NSG2: variants seen among roughly 807,000 people sequenced by gnomAD.
NSG2 encodes neuronal vesicle trafficking-associated protein 2.
In NSG2, 4 loss-of-function variants were observed where a neutral mutation model predicts 16.9. The ratio of observed to expected loss-of-function variants is 0.24; its 90% CI spans 0.12 to 0.54. The LOEUF (loss-of-function observed/expected upper bound fraction) is 0.54. NSG2 is among the 20% of genes least tolerant of loss of function. NSG2 has a pLI of 0.95. For missense variants in NSG2, 179 were observed against 221.1 expected (o/e 0.81, Z 1.21); for synonymous variants, 98 against 88.7 (o/e 1.11, Z -0.59).
At chr5:174,090,005 C>G (rs572025053) in intron 3 of NSG2, among the ~76,000 whole-genome samples, 1 of 152,294 alleles carries the variant, frequency 6.6e-6, no homozygotes. Context: ...CCTTTTAAGG[C>G]ACAGGGTCCC....
intron 3 of NSG2, among the ~76,000 whole-genome samples, chr5:174,073,010 A>G (rs1760270037): frequency 6.6e-6 from 1 of 152,326 alleles, no homozygotes; most frequent in East Asian, 1.9e-4. Flanking sequence ...GAATGAATGC[A>G]TAAGGAGGTG....
In NSG2 at chr5:174,066,813, AC is replaced by A; in HGVS notation, c.213+2502del. ...AGACCGTCCCGGCTAAAACGGTGAA[AC>A]CCCGTCTCTACTAAAAATACAAAAA... On this transcript the variant is annotated intron_variant, in intron 3 of 4. Transcript: ENST00000303177. 2.6e-5 allele frequency among the ~76,000 whole-genome samples: 4 copies of A among 151,510 alleles called. No homozygotes were observed. The South Asian group carries it at 8.4e-4, about 32-fold the overall frequency.
chr5:174,095,915 A>G (rs1456839588), intron 3 of NSG2, among the ~76,000 whole-genome samples: 1 of 152,244 alleles, frequency 6.6e-6, no homozygotes. Flanking sequence ...ATTAGTGAAT[A>G]AAATATCTCA....
intron 3 of NSG2, among the ~76,000 whole-genome samples, chr5:174,080,547 C>CTT (rs1561668676): frequency 5.0e-5 from 7 of 141,118 alleles, no homozygotes; most frequent in African/African-American, 1.6e-4. Flanking sequence ...CTCTCTCTCT[C>CTT]TCTTTCTTTT....
chr5:174,080,526 T>TCC (rs1491258767), intron 3 of NSG2, among the ~76,000 whole-genome samples: 3,569 of 45,494 alleles, frequency 0.078, 106 homozygotes, highest in African/African-American at 0.12. Context: ...TTTCTTTCTT[T>TCC]CTCTCTCTCT....
intron 2 of NSG2, among the ~76,000 whole-genome samples, chr5:174,062,032 G>A (rs1457874242): frequency 2.6e-5 from 4 of 151,718 alleles, no homozygotes; most frequent in Middle Eastern, 3.4e-3. Context: ...CCTGACAGGT[G>A]CAAGGCTCCA....
intron 3 of NSG2, among the ~76,000 whole-genome samples, chr5:174,093,104 G>T (rs951814579): frequency 5.3e-5 from 8 of 152,142 alleles, no homozygotes; most frequent in African/African-American, 1.7e-4. Context: ...AGTGAGACAG[G>T]TCTGAGTTAT....
chr5:174,107,256 T>TGGGCAGGTTGG lies in NSG2; in HGVS notation c.325-56_325-46dup. 6.9e-7 allele frequency: 1 copy of TGGGCAGGTTGG among 1,450,690 alleles called. No homozygotes were observed. Among genetic ancestry groups the TGGGCAGGTTGG allele is most frequent in the Non-Finnish European group, 9.3e-7 (1 of 1,079,006 alleles). 89.9% of individuals were successfully genotyped at this position (1,450,690 alleles called of 1,614,324 possible). On this transcript the variant is annotated intron_variant, in intron 4 of 4. Coordinates refer to ENST00000303177, the MANE Select transcript of NSG2 (RefSeq NM_015980.5). The surrounding 1 kb of genome is among the most constrained non-coding windows in gnomAD (Gnocchi z 4.5). ...ACTCCAGTCAGGGTGGCTGTGTTGC[T>TGGGCAGGTTGG]GGGCAGGTTGGGAGCAGTTTGCTGA...
chr5:174,102,754 T>TTTATTTA (rs1561676654), intron 3 of NSG2, among the ~76,000 whole-genome samples: 20 of 90,834 alleles, frequency 2.2e-4, no homozygotes, highest in African/African-American at 1.1e-3. Context: ...GCTTTGTTTT[T>TTTATTTA]TTTATTTATT....
At chr5:174,073,627 G>C (rs1288522994) in intron 3 of NSG2, among the ~76,000 whole-genome samples, 1 of 152,208 alleles carries the variant, frequency 6.6e-6, no homozygotes, top group Non-Finnish European at 1.5e-5. Flanking sequence ...AATGTATGCT[G>C]TTATTAATTG....
At chr5:174,083,470 C>T (rs1233135382) in intron 3 of NSG2, among the ~76,000 whole-genome samples, 2 of 152,282 alleles carry the variant, frequency 1.3e-5, no homozygotes, top group African/African-American at 4.8e-5. Flanking sequence ...TCCCAGGGCA[C>T]AGCACTATAA....
At chr5:174,090,817 T>G (rs1760709678) in intron 3 of NSG2, among the ~76,000 whole-genome samples, 1 of 152,186 alleles carries the variant, frequency 6.6e-6, no homozygotes, top group Non-Finnish European at 1.5e-5. Context: ...CTGACTTATG[T>G]CCAGAGGAGA....
In NSG2 at chr5:174,096,908, A is replaced by G. The variant is rs191890416; in HGVS notation, c.214-7320A>G. ...GGGGCATGGTGAGGTCAAGATGCCC[A>G]TGATATAACTTGGTGCCTTTTCTCG... On this transcript the variant is annotated intron_variant, in intron 3 of 4. Coordinates refer to ENST00000303177, the MANE Select transcript of NSG2 (RefSeq NM_015980.5). 1.6e-4 allele frequency among the ~76,000 whole-genome samples: 24 copies of G among 152,278 alleles called. No homozygotes were observed. In the Middle Eastern group the frequency reaches 0.01, roughly 65 times the overall value.
intron 3 of NSG2, among the ~76,000 whole-genome samples, chr5:174,073,826 A>G (rs1383928285): frequency 6.6e-6 from 1 of 152,202 alleles, no homozygotes; most frequent in Non-Finnish European, 1.5e-5. Context: ...CCAAACAAAC[A>G]TTGTTAAGTA....
intron 3 of NSG2, among the ~76,000 whole-genome samples, chr5:174,096,772 G>A (rs991952810): frequency 2.0e-5 from 3 of 152,298 alleles, no homozygotes; most frequent in Non-Finnish European, 1.5e-5. Flanking sequence ...TGCCAGAGCT[G>A]GTGTCTGCCT....
At position 174,052,941 on chromosome 5, in the gene NSG2, GATT is replaced by G. The variant is rs573143202; in HGVS notation, c.129+6062_129+6064del. ...GGCAAACGCTTCTTTTCTTTCTATT[GATT>G]ATTAAGTCTTTATGCATCTTGGAGG... On this transcript the variant is annotated intron_variant, in intron 2 of 4. Transcript: ENST00000303177. Among the ~76,000 whole-genome samples the G allele has an allele frequency of 5.9e-5, 9 of 152,294 alleles. 1 individual carries two copies. The South Asian group carries it at 1.2e-3, about 21-fold the overall frequency.
chr5:174,060,740 T>A (rs143366477), intron 2 of NSG2, among the ~76,000 whole-genome samples: 6 of 152,316 alleles, frequency 3.9e-5, no homozygotes, highest in African/African-American at 1.4e-4. Flanking sequence ...TGTCGACAGA[T>A]TTCAGTTCCT....
chr5:174,098,523 C>A (rs150484459), intron 3 of NSG2, among the ~76,000 whole-genome samples: 2 of 152,260 alleles, frequency 1.3e-5, no homozygotes, highest in Admixed American at 6.5e-5. Context: ...GATCTCTGGG[C>A]GTCCTAGAAT....
intron 3 of NSG2, among the ~76,000 whole-genome samples, chr5:174,070,529 CTTCT>C (rs1760220655): frequency 6.6e-6 from 1 of 152,146 alleles, no homozygotes; most frequent in African/African-American, 2.4e-5. Context: ...CCTCCCTTTT[CTTCT>C]TTGTCGTTAT....
Sources: gnomAD v4.1 joint callset for allele counts (sites outside exome capture counted in the v4.1 genomes callset) on GRCh38, gnomAD v4.1.1 for gene constraint, Gnocchi (gnomAD v3.1) non-coding constraint, MANE v1.5 for transcripts, NCBI Gene and HGNC (gene_info 2026-07-23, HGNC 2026-07-21) for gene names.